The following CEACAM20 variants were observed in gnomAD, a reference collection of about 807,000 sequenced individuals.
CEACAM20 encodes the protein CEA cell adhesion molecule 20.
CEACAM20 carries 50 observed loss-of-function variants against 61.2 expected under a neutral mutation model. The observed-to-expected ratio is 0.82, with a 90% CI of 0.65 to 1.03. CEACAM20 has a LOEUF of 1.03. Among genes scored for constraint, CEACAM20 ranks in the 50% least tolerant of loss-of-function variants. CEACAM20 has a pLI of 0.00. For synonymous variants in CEACAM20, 282 were observed against 287.7 expected, an observed-to-expected ratio of 0.98 and a Z score of 0.20; for missense variants, 683 against 736.4, an observed-to-expected ratio of 0.93 and a Z score of 0.84.
At chr19:44,521,109 T>C (rs1305507247) in intron 4 of CEACAM20, among the ~76,000 whole-genome samples, 1 of 152,112 alleles carries the variant, frequency 6.6e-6, no homozygotes. Flanking sequence ...TGTGTATATA[T>C]TTGTTGTATA....
At position 44,520,730 on chromosome 19, in the gene CEACAM20, G is replaced by A. The variant is rs201619802; in HGVS notation, c.774C>T (p.Val258=). ...RVLETLTMPQ[V]VPSSLNLVEN... is the part of the protein sequence containing the mutation. ...CCACAAGGTTCAGGCTTGAAGGCAC[G>A]ACTTGAGGCATGGTCAGTGTTTCTG... is the stretch of plus-strand genomic sequence containing the variant. Residue 258 remains valine, a synonymous_variant, in exon 5 of 12, where the codon GTC becomes GTT. Transcript: ENST00000614924. The A allele has an allele frequency of 6.1e-4, 989 of 1,613,500 alleles. 1 individual carries two copies. The highest frequency in any genetic ancestry group is 7.9e-4 in the Non-Finnish European group (927 of 1,179,626).
Position 44,520,470 on chromosome 19 carries a change from T to A in CEACAM20, c.1030+4A>T. 6.2e-7 allele frequency: 1 copy of A among 1,610,706 alleles called. No homozygotes were observed. Among genetic ancestry groups the A allele is most frequent in the African/African-American group, 1.3e-5 (1 of 74,976 alleles). On this transcript the variant is annotated splice_donor_region_variant and intron_variant, in intron 5 of 11. Coordinates refer to ENST00000614924, the MANE Select transcript of CEACAM20 (RefSeq NM_001102597.3). The stretch of plus-strand genomic sequence containing the variant: ...GGGGAAGGTCCAGGCCCTGGGTGAC[T>A]CACAGTTGATGGTCAGCTCAAGGGG...
chr19:44,506,303 G>A, intron 11 of CEACAM20, 89 bp from the exon 12 acceptor site: 1 of 1,159,644 alleles, frequency 8.6e-7, no homozygotes, highest in East Asian at 2.4e-5. Context: ...ACAGCCTGGA[G>A]CTTTCCTTTC....
chr19:44,519,927 T>C (rs1333380258), intron 5 of CEACAM20, among the ~76,000 whole-genome samples: 4 of 151,980 alleles, frequency 2.6e-5, no homozygotes, highest in Admixed American at 6.6e-5. Context: ...CCATGATGGG[T>C]GTTCCTTCAA....
Position 44,524,108 on chromosome 19 carries a change from G to A in CEACAM20, c.350C>T (p.Ser117Phe). 6.2e-7 allele frequency: 1 copy of A among 1,607,404 alleles called. No individual in the cohort carries two copies. The highest frequency in any genetic ancestry group is 8.5e-7 in the Non-Finnish European group (1 of 1,177,074). The change falls in exon 3 of 12, where the codon TCC (serine) becomes TTC (phenylalanine). Residue 117 changes from serine (S) to phenylalanine (F), a missense_variant. By Grantham distance (155) the Ser-to-Phe change is radical (BLOSUM62 -2). Coordinates refer to ENST00000614924, the MANE Select transcript of CEACAM20 (RefSeq NM_001102597.3). ...SIVFHERMQL[S>F]KDGKILTILI... is the part of the protein sequence containing the mutation. ...AATGGTGAGGATCTTGCCATCCTTG[G>A]ACAGCTGCATGCGCTCATGGAACAC...
Position 44,525,115 on chromosome 19 carries a change from T to C in CEACAM20, c.182A>G (p.His61Arg), listed in dbSNP as rs776248611. Reference sequence around the variant, plus strand: ...CTGGCCCCTACCTCTGGATCTGCCATGAATCTGGGGTGTCCTGGGGGTCCC... The same window carrying C: ...CTGGCCCCTACCTCTGGATCTGCCACGAATCTGGGGTGTCCTGGGGGTCCC... ...VFGTPRTPQI[H>R]GRSRELAKPS... Residue 61 changes from histidine (H) to arginine (R), a missense_variant, in exon 2 of 12, where the codon CAT (histidine) becomes CGT (arginine). Transcript: ENST00000614924. 3 of 1,611,300 alleles carry C rather than the reference T, an allele frequency of 1.9e-6. No individual in the cohort carries two copies. Among genetic ancestry groups the C allele is most frequent in the South Asian group, 1.1e-5 (1 of 90,518 alleles).
chr19:44,518,702 C>T (rs1482866043), intron 5 of CEACAM20, among the ~76,000 whole-genome samples: 1 of 152,142 alleles, frequency 6.6e-6, no homozygotes, highest in Non-Finnish European at 1.5e-5. Context: ...TGACTCTGCT[C>T]CCTCCTAAAC....
Position 44,522,792 on chromosome 19 carries a change from GC to G in CEACAM20, c.592del (p.Ala198ProfsTer48). On this transcript the variant is annotated frameshift_variant, in exon 4 of 12. Transcript: ENST00000614924. LOFTEE classifies it high-confidence loss of function. Reference protein sequence around the residue: ...LAETKSHPPCAYTWFLLDSIL... With the variant: ...LAETKSHPPCXYTWFLLDSIL... ...GGAGTCAAGGAGAAACCAAGTATAGGCACAGGGTGGGTGAGACTTTGTTTCC... is the reference window on the plus strand; with the variant it reads ...GGAGTCAAGGAGAAACCAAGTATAGGACAGGGTGGGTGAGACTTTGTTTCC... 1 of 1,613,786 alleles carries G rather than the reference GC, an allele frequency of 6.2e-7. No individual in the cohort carries two copies. Among genetic ancestry groups the G allele is most frequent in the Non-Finnish European group, 8.5e-7 (1 of 1,179,846 alleles).
chr19:44,512,374 A>G (rs1971027859), intron 8 of CEACAM20, among the ~76,000 whole-genome samples: 1 of 152,162 alleles, frequency 6.6e-6, no homozygotes, highest in African/African-American at 2.4e-5. Flanking sequence ...TTTCGTCTCT[A>G]TAAAATGGGG....
In CEACAM20 at chr19:44,512,850, C is replaced by T. The variant is rs1971041099; in HGVS notation, c.1513+18G>A. ...CCTCACCCCTGCCCCAGGCATCAGC[C>T]ACCATAGAGTCACTTACCGGAACTG... On this transcript the variant is annotated intron_variant, in intron 8 of 11. Coordinates refer to ENST00000614924, the MANE Select transcript of CEACAM20 (RefSeq NM_001102597.3). 5.6e-6 allele frequency: 9 copies of T among 1,607,826 alleles called. No individual in the cohort carries two copies. The East Asian group carries it at 1.1e-4, about 20-fold the overall frequency.
intron 11 of CEACAM20, among the ~76,000 whole-genome samples, chr19:44,507,830 A>G (rs1251928134): frequency 2.0e-5 from 3 of 152,298 alleles, no homozygotes; most frequent in Non-Finnish European, 2.9e-5. Flanking sequence ...CAGGAATCTG[A>G]GGCTGCAGTT....
In CEACAM20 at chr19:44,512,020, T is replaced by G; in HGVS notation, c.1572A>C (p.Glu524Asp). The change falls in exon 9 of 12, where the codon GAA (glutamate) becomes GAC (aspartate). Residue 524 changes from glutamate (E) to aspartate (D), a missense_variant. Coordinates refer to ENST00000614924, the MANE Select transcript of CEACAM20 (RefSeq NM_001102597.3). ...TTCCCTCTGCAGCATCACTCACCAGTTCGACTCTGATCCGTCCCTGAAGCT... is the reference window on the plus strand; with the variant it reads ...TTCCCTCTGCAGCATCACTCACCAGGTCGACTCTGATCCGTCCCTGAAGCT... ...ISQLQGRIRV[E>D]LMQPPDLPEE... The G allele has an allele frequency of 6.2e-7, 1 of 1,608,396 alleles. No homozygotes were observed. Among genetic ancestry groups the G allele is most frequent in the South Asian group, 1.1e-5 (1 of 89,352 alleles).
At chr19:44,529,395 C>G (rs1971645338) in intron 1 of CEACAM20, 63 bp downstream of exon 1, 1 of 1,222,328 alleles carries the variant, frequency 8.2e-7, no homozygotes, top group Non-Finnish European at 1.2e-6. Context: ...CACACACACA[C>G]CGCTGACAAA....
At chr19:44,522,001 G>A (rs1323626739) in intron 4 of CEACAM20, among the ~76,000 whole-genome samples, 1 of 152,140 alleles carries the variant, frequency 6.6e-6, no homozygotes, top group Non-Finnish European at 1.5e-5. Context: ...GCCAGGCAAA[G>A]GAGCCAGTGT....
chr19:44,520,354 G>C (rs1181475783), intron 5 of CEACAM20, 120 bp downstream of exon 5: 3 of 1,359,112 alleles, frequency 2.2e-6, no homozygotes, highest in Non-Finnish European at 3.0e-6. Context: ...CCAGTGCCCA[G>C]ATTCATGCCT....
intron 1 of CEACAM20, 62 bp downstream of exon 1, chr19:44,529,396 C>A (rs371755240): frequency 1.6e-6 from 2 of 1,288,460 alleles, no homozygotes; most frequent in South Asian, 1.2e-5. Flanking sequence ...ACACACACAC[C>A]GCTGACAAAT....
intron 10 of CEACAM20, 135 bp downstream of exon 10, chr19:44,511,502 C>G: frequency 1.1e-6 from 1 of 920,142 alleles, no homozygotes. Context: ...TTAGGCTACT[C>G]TCTTCCCATC....
At chr19:44,523,238 A>G (rs927192213) in intron 3 of CEACAM20, among the ~76,000 whole-genome samples, 6 of 151,890 alleles carry the variant, frequency 4.0e-5, no homozygotes, top group African/African-American at 4.8e-5. Flanking sequence ...CCAAGATCCC[A>G]TCTCTACAAA....
chr19:44,506,953 A>C (rs1970836556), intron 11 of CEACAM20, among the ~76,000 whole-genome samples: 1 of 152,186 alleles, frequency 6.6e-6, no homozygotes. Context: ...CACCCTCTTC[A>C]GGGCCTTTTT....
Sources: gnomAD v4.1 joint callset for allele counts (sites outside exome capture counted in the v4.1 genomes callset) on GRCh38, gnomAD v4.1.1 for gene constraint, MANE v1.5 for transcripts, NCBI Gene and HGNC (gene_info 2026-07-23, HGNC 2026-07-21) for gene names.